KCNQ2: variants seen among roughly 807,000 people sequenced by gnomAD.
KCNQ2 encodes the protein potassium voltage-gated channel subfamily Q member 2.
In KCNQ2, 14 loss-of-function variants were observed where a neutral mutation model predicts 84.8. That is an observed-to-expected ratio of 0.17 (90% confidence interval 0.11 to 0.26). The LOEUF is 0.26. KCNQ2 is among the 10% of genes least tolerant of loss of function. KCNQ2 has a pLI of 1.00. For synonymous variants in KCNQ2, 599 were observed against 554.1 expected (o/e 1.08, Z -1.14); for missense variants, 788 against 1,254.0 (o/e 0.63, Z 5.61).
At chr20:63,467,223 C>T (rs2082104881) in intron 1 of KCNQ2, among the ~76,000 whole-genome samples, 1 of 152,198 alleles carries the variant, frequency 6.6e-6, no homozygotes, top group Non-Finnish European at 1.5e-5. Flanking sequence ...ATCCCATATC[C>T]CTTCTCCCCA....
intron 12 of KCNQ2, among the ~76,000 whole-genome samples, chr20:63,417,700 T>C (rs755965623): frequency 2.6e-5 from 4 of 151,448 alleles, no homozygotes; most frequent in Non-Finnish European, 5.9e-5. Context: ...CCGCAGGGAG[T>C]TGCAGGAAGG....
intron 1 of KCNQ2, among the ~76,000 whole-genome samples, chr20:63,463,362 C>T (rs912742632): frequency 5.3e-5 from 8 of 152,120 alleles, no homozygotes; most frequent in South Asian, 4.1e-4. Flanking sequence ...CCTGGGGTGG[C>T]GCTCCCCGAT....
chr20:63,436,488 A>G lies in KCNQ2; in HGVS notation c.1023+2137T>C, dbSNP rs189635330. Reference sequence around the variant, plus strand: ...GGAGCTTGCAGTGAGCTGAGATCGCACCACTGCACTCCAGCCTGGGCAACA... The same window carrying G: ...GGAGCTTGCAGTGAGCTGAGATCGCGCCACTGCACTCCAGCCTGGGCAACA... On this transcript the variant is annotated intron_variant, in intron 7 of 16. Coordinates refer to ENST00000359125, the MANE Select transcript of KCNQ2 (RefSeq NM_172107.4). Among the ~76,000 whole-genome samples the G allele has an allele frequency of 6.3e-3, 948 of 150,874 alleles. 11 individuals carry two copies. Among genetic ancestry groups the G allele is most frequent in the African/African-American group, 0.022 (892 of 41,062 alleles).
intron 1 of KCNQ2, among the ~76,000 whole-genome samples, chr20:63,463,053 TTCTGTG>T (rs1280963135): frequency 1.2e-4 from 15 of 123,170 alleles, no homozygotes; most frequent in Non-Finnish European, 2.2e-4. Flanking sequence ...TGGGTGTCTT[TTCTGTG>T]TGTGTGTGTG....
In KCNQ2 at chr20:63,424,378, C is replaced by T. The variant is rs2080567301; in HGVS notation, c.1218-172G>A. Reference sequence around the variant, plus strand: ...CCACCCACCCCAGAGAGCCCACGGCCCCAGGAACGGGCACCCCAGGGCCCA... The same window carrying T: ...CCACCCACCCCAGAGAGCCCACGGCTCCAGGAACGGGCACCCCAGGGCCCA... On this transcript the variant is annotated intron_variant, in intron 10 of 16. Transcript: ENST00000359125. 3 of 734,180 alleles carry T rather than the reference C, an allele frequency of 4.1e-6. 1 individual carries two copies. The highest frequency in any genetic ancestry group is 2.3e-6 in the Non-Finnish European group (1 of 440,914). 45.5% of individuals were successfully genotyped at this position (734,180 alleles called of 1,614,324 possible). A position where few individuals can be genotyped will look rare whatever the true frequency, so the allele number is the denominator to read the frequency against.
At chr20:63,468,657 C>T (rs918232507) in intron 1 of KCNQ2, among the ~76,000 whole-genome samples, 23 of 152,250 alleles carry the variant, frequency 1.5e-4, no homozygotes, top group Non-Finnish European at 1.6e-4. Flanking sequence ...TCAAGCAGCC[C>T]AGGGCCAGAG....
At chr20:63,424,905 G>A (rs1384464034) in intron 10 of KCNQ2, among the ~76,000 whole-genome samples, 2 of 152,228 alleles carry the variant, frequency 1.3e-5, no homozygotes, top group African/African-American at 4.8e-5. Flanking sequence ...GCCCCGGCTG[G>A]TACGCCGTGT....
At chr20:63,470,079 G>T (rs959152805) in intron 1 of KCNQ2, among the ~76,000 whole-genome samples, 10 of 152,252 alleles carry the variant, frequency 6.6e-5, no homozygotes, top group Non-Finnish European at 1.0e-4. Context: ...GAGGTTTGCA[G>T]AGGTTCTGAG....
intron 11 of KCNQ2, among the ~76,000 whole-genome samples, 187 bp from the exon 12 acceptor site, chr20:63,419,859 C>A (rs1049799761): frequency 6.6e-6 from 1 of 152,022 alleles, no homozygotes; most frequent in Non-Finnish European, 1.5e-5. Flanking sequence ...AAAACACTTC[C>A]CTATTTCTGA....
chr20:63,431,942 C>A (rs1361166316), intron 8 of KCNQ2, among the ~76,000 whole-genome samples: 3 of 150,596 alleles, frequency 2.0e-5, no homozygotes, highest in Non-Finnish European at 4.4e-5. Flanking sequence ...AAGGCTCCAC[C>A]CTCAGGGTAG....
chr20:63,420,531 C>T (rs1455314816), intron 11 of KCNQ2, among the ~76,000 whole-genome samples: 3 of 151,170 alleles, frequency 2.0e-5, no homozygotes, highest in Non-Finnish European at 2.9e-5. Context: ...GGAACCCCAG[C>T]GTGGCGACGG....
In KCNQ2 at chr20:63,460,454, C is replaced by CA. The variant is rs905756989; in HGVS notation, c.296+11713dup. Among the ~76,000 whole-genome samples, 5 of 151,308 alleles carry CA rather than the reference C, an allele frequency of 3.3e-5. No homozygotes were observed. The highest frequency in any genetic ancestry group is 1.2e-4 in the African/African-American group (5 of 41,362). ...GAGGCTCCCAGCAGGCCTTCCCCCC[C>CA]ACAGCCCCCTGAGACAGCCACGCCT... On this transcript the variant is annotated intron_variant, in intron 1 of 16. Transcript: ENST00000359125. The surrounding 1 kb of genome is among the most constrained non-coding windows in gnomAD (Gnocchi z 5.4).
At chr20:63,430,257 G>A (rs962787890) in intron 9 of KCNQ2, among the ~76,000 whole-genome samples, 1 of 152,188 alleles carries the variant, frequency 6.6e-6, no homozygotes, top group African/African-American at 2.4e-5. Context: ...AGAGAGCAGA[G>A]GCTGGGGAGG....
intron 4 of KCNQ2, 25 bp downstream of exon 4, chr20:63,444,634 C>G: frequency 6.6e-7 from 1 of 1,514,168 alleles, no homozygotes; most frequent in East Asian, 2.4e-5. Context: ...GGGCGCCCAC[C>G]GCCAGCCTTG....
intron 1 of KCNQ2, among the ~76,000 whole-genome samples, chr20:63,456,108 G>GC (rs1186585086): frequency 8.6e-5 from 10 of 116,088 alleles, no homozygotes; most frequent in Non-Finnish European, 1.4e-4. Flanking sequence ...CTGCCCACGG[G>GC]CCCCCCACCT....
In KCNQ2 at chr20:63,407,164, T is replaced by C; in HGVS notation, c.2099A>G (p.Asn700Ser). Residue 700 changes from asparagine (N) to serine (S), a missense_variant, in exon 17 of 17, where the codon AAC (asparagine) becomes AGC (serine). Around this residue, in one of 8 missense-constraint regions of KCNQ2, gnomAD observed 378 missense variants for 434.5 expected, o/e 0.87. Coordinates refer to ENST00000359125, the MANE Select transcript of KCNQ2 (RefSeq NM_172107.4). The surrounding 1 kb of genome is among the most constrained non-coding windows in gnomAD (Gnocchi z 7.2). ...VRSSSSTGQK[N>S]FSAPPAAPPV... ...GGGCGCGGCCGGGGGCGCCGAGAAGTTCTTCTGGCCCGTGGAGCTGCTGGA... is the reference window on the plus strand; with the variant it reads ...GGGCGCGGCCGGGGGCGCCGAGAAGCTCTTCTGGCCCGTGGAGCTGCTGGA... The C allele has an allele frequency of 1.2e-6, 2 of 1,600,180 alleles. No homozygotes were observed. Among genetic ancestry groups the C allele is most frequent in the South Asian group, 1.1e-5 (1 of 90,030 alleles).
At chr20:63,442,735 C>CACCACCA (rs1568934111) in intron 4 of KCNQ2, among the ~76,000 whole-genome samples, 5 of 35,652 alleles carry the variant, frequency 1.4e-4, no homozygotes, top group South Asian at 1.0e-3. Context: ...TCATCACCAC[C>CACCACCA]TCCACCATCA....
intron 8 of KCNQ2, among the ~76,000 whole-genome samples, chr20:63,432,276 G>GGA (rs2080831812): frequency 6.7e-6 from 1 of 149,034 alleles, no homozygotes; most frequent in African/African-American, 2.5e-5. Flanking sequence ...CCTCTGGGAA[G>GGA]TCCCCACCCT....
intron 11 of KCNQ2, among the ~76,000 whole-genome samples, chr20:63,421,178 G>A (rs941232889): frequency 1.3e-5 from 2 of 152,170 alleles, no homozygotes; most frequent in Non-Finnish European, 2.9e-5. Flanking sequence ...CAGCATGATC[G>A]CCTTGACCAA....
Sources: allele counts gnomAD v4.1 joint callset (sites outside exome capture counted in the v4.1 genomes callset), GRCh38; gene constraint gnomAD v4.1.1; regional missense constraint gnomAD v4.1.1; non-coding constraint Gnocchi (gnomAD v3.1); transcripts MANE v1.5; gene names NCBI Gene and HGNC (gene_info 2026-07-23, HGNC 2026-07-21).